Variants in AGBL4 observed in about 807,000 individuals in gnomAD.
AGBL4 encodes cytosolic carboxypeptidase 6.
A neutral mutation model predicts 66.4 loss-of-function variants in AGBL4; 58 were observed. That is an observed-to-expected ratio of 0.87 (90% confidence interval 0.71 to 1.09). AGBL4 has a LOEUF of 1.09. AGBL4 is among the 50% of genes least tolerant of loss of function. The pLI, the probability that AGBL4 is intolerant of heterozygous loss-of-function variation, is 0.00. For missense variants in AGBL4, 579 were observed against 631.0 expected (o/e 0.92, Z 0.88); for synonymous variants, 234 against 222.9 (o/e 1.05, Z -0.44).
chr1:50,017,692 T>C (rs1662096450), intron 1 of AGBL4, among the ~76,000 whole-genome samples: 1 of 151,982 alleles, frequency 6.6e-6, no homozygotes, highest in Non-Finnish European at 1.5e-5. Flanking sequence ...TAATTACACA[T>C]GGAGACAAAG....
At chr1:49,073,720 C>G (rs1644655270) in intron 4 of AGBL4, among the ~76,000 whole-genome samples, 1 of 152,182 alleles carries the variant, frequency 6.6e-6, no homozygotes, top group Admixed American at 6.5e-5. Context: ...AGTCAGGCTA[C>G]TCGGGGGTCA....
At chr1:49,562,544 A>G (rs1644076726) in intron 3 of AGBL4, among the ~76,000 whole-genome samples, 1 of 152,116 alleles carries the variant, frequency 6.6e-6, no homozygotes, top group Non-Finnish European at 1.5e-5. Flanking sequence ...CAGTTTTCCC[A>G]GCACCATTTA....
chr1:49,255,966 A>G (rs1652458115), intron 3 of AGBL4, among the ~76,000 whole-genome samples: 1 of 152,142 alleles, frequency 6.6e-6, no homozygotes, highest in Admixed American at 6.6e-5. Context: ...ATGATAACAC[A>G]TGGTCACACA....
At chr1:49,248,857 G>GATTTAA (rs1305561280) in intron 3 of AGBL4, among the ~76,000 whole-genome samples, 2 of 151,696 alleles carry the variant, frequency 1.3e-5, no homozygotes, top group Admixed American at 6.6e-5. Flanking sequence ...TTTTTCTTTA[G>GATTTAA]ATTTAAATTT....
intron 4 of AGBL4, among the ~76,000 whole-genome samples, chr1:49,221,800 CA>C (rs1649516528): frequency 6.6e-6 from 1 of 152,030 alleles, no homozygotes; most frequent in Non-Finnish European, 1.5e-5. Context: ...GTATATTGGA[CA>C]TACCTTAGCA....
chr1:49,433,952 A>G (rs1645844456), intron 3 of AGBL4, among the ~76,000 whole-genome samples: 1 of 152,208 alleles, frequency 6.6e-6, no homozygotes, highest in Non-Finnish European at 1.5e-5. Flanking sequence ...ATCCAACATC[A>G]GAGTTAGGGT....
intron 2 of AGBL4, among the ~76,000 whole-genome samples, chr1:49,843,582 C>T (rs943781366): frequency 2.6e-5 from 4 of 152,178 alleles, no homozygotes; most frequent in Non-Finnish European, 5.9e-5. Flanking sequence ...CTCTTTTCCA[C>T]ATTTAAGGAC....
At chr1:48,634,913 ATCT>A (rs1166732670) in intron 8 of AGBL4, among the ~76,000 whole-genome samples, 1 of 152,172 alleles carries the variant, frequency 6.6e-6, no homozygotes, top group Non-Finnish European at 1.5e-5. Context: ...ACACATGCAC[ATCT>A]TCTCCACACT....
chr1:48,761,320 A>C, intron 6 of AGBL4: 1 of 1,540,738 alleles, frequency 6.5e-7, no homozygotes, highest in Non-Finnish European at 8.8e-7. Context: ...CTCCAAAGAA[A>C]GGAAAGATTT....
chr1:49,329,323 A>G (rs957077886), intron 3 of AGBL4, among the ~76,000 whole-genome samples: 1 of 152,002 alleles, frequency 6.6e-6, no homozygotes, highest in African/African-American at 2.4e-5. Flanking sequence ...AAACAAAACA[A>G]AAACCTCTCT....
chr1:48,634,603 A>T lies in AGBL4; in HGVS notation c.841T>A (p.Cys281Ser). Reference protein sequence around the residue: ...PDGVYLGNYRCSLMGFDLNRH... With the variant: ...PDGVYLGNYRSSLMGFDLNRH... ...TTCAGATCAAATCCCATCAGAGAAC[A>T]CCTAGGCAGTACCCAAAGTAAGAGT... Residue 281 changes from cysteine (C) to serine (S), a missense_variant and splice_region_variant, in exon 9 of 14, where the codon TGT (cysteine) becomes AGT (serine). Physicochemically the swap from Cys to Ser is moderately radical, Grantham distance 112 (BLOSUM62 -1). Coordinates refer to ENST00000371839, the MANE Select transcript of AGBL4 (RefSeq NM_032785.4). 6.3e-7 allele frequency: 1 copy of T among 1,591,464 alleles called. No homozygotes were observed. Among genetic ancestry groups the T allele is most frequent in the African/African-American group, 1.3e-5 (1 of 74,690 alleles).
chr1:49,527,181 AAAG>A (rs1650723247), intron 3 of AGBL4: 3 of 152,060 alleles, frequency 2.0e-5, no homozygotes, highest in Admixed American at 2.0e-4. Context: ...TTGGTCTTTA[AAAG>A]AAGGTGTATC....
intron 12 of AGBL4, among the ~76,000 whole-genome samples, chr1:48,535,586 C>T (rs952762826): frequency 7.2e-5 from 11 of 152,184 alleles, no homozygotes; most frequent in African/African-American, 1.4e-4. Context: ...TTACTCTAAA[C>T]GTTCTGGCCT....
intron 3 of AGBL4, among the ~76,000 whole-genome samples, chr1:49,622,896 A>G (rs2124311880): frequency 1.3e-5 from 2 of 151,656 alleles, no homozygotes; most frequent in East Asian, 3.9e-4. Context: ...ATTCTTTTTT[A>G]TGCTCCTGAT....
chr1:49,581,728 G>A (rs1336395528), intron 3 of AGBL4, among the ~76,000 whole-genome samples: 1 of 152,194 alleles, frequency 6.6e-6, no homozygotes, highest in Non-Finnish European at 1.5e-5. Context: ...TGGTAGTGGT[G>A]ATGAGCTATT....
chr1:49,549,216 T>C (rs1652751952), intron 3 of AGBL4, among the ~76,000 whole-genome samples: 1 of 152,120 alleles, frequency 6.6e-6, no homozygotes, highest in Non-Finnish European at 1.5e-5. Flanking sequence ...GTCTATCAAT[T>C]TTGTTTATCT....
intron 6 of AGBL4, among the ~76,000 whole-genome samples, chr1:48,864,929 G>C (rs1647854326): frequency 6.6e-6 from 1 of 151,880 alleles, no homozygotes; most frequent in African/African-American, 2.4e-5. Flanking sequence ...TCATTATATC[G>C]CTACTCTTTT....
At chr1:49,673,503 C>A (rs575430886) in intron 3 of AGBL4, among the ~76,000 whole-genome samples, 10 of 152,186 alleles carry the variant, frequency 6.6e-5, no homozygotes, top group African/African-American at 2.4e-4. Flanking sequence ...TGTAAGGATA[C>A]CCCATTCTTC....
intron 1 of AGBL4, among the ~76,000 whole-genome samples, chr1:49,909,674 T>C (rs1048095988): frequency 2.6e-5 from 4 of 152,106 alleles, no homozygotes; most frequent in Non-Finnish European, 5.9e-5. Context: ...TCAGAAGATT[T>C]TGAGATGACA....
Sources: allele counts gnomAD v4.1 joint callset (sites outside exome capture counted in the v4.1 genomes callset), GRCh38; gene constraint gnomAD v4.1.1; transcripts MANE v1.5; gene names NCBI Gene and HGNC (gene_info 2026-07-23, HGNC 2026-07-21).